Variants in AFAP1L2 observed in about 807,000 individuals in gnomAD.
AFAP1L2 encodes the protein actin filament associated protein 1 like 2.
Under a neutral mutation model 99.3 loss-of-function variants are expected in AFAP1L2, and 46 were observed. The observed-to-expected ratio is 0.46, with a 90% CI of 0.37 to 0.59. AFAP1L2 has a LOEUF of 0.59. Among genes scored for constraint, AFAP1L2 ranks in the 20% least tolerant of loss-of-function variants. The pLI, the probability that AFAP1L2 is intolerant of heterozygous loss-of-function variation, is 0.00. For missense variants in AFAP1L2, 959 were observed against 1,034.9 expected (o/e 0.93, Z 1.01); for synonymous variants, 397 against 419.1 (o/e 0.95, Z 0.64).
At chr10:114,283,583 A>G in the AFAP1L2 span, among the ~76,000 whole-genome samples, 431 of 152,338 alleles carry the variant, frequency 2.8e-3, no homozygotes, top group Non-Finnish European at 2.0e-3. Context: ...TTTCAGTCCC[A>G]GCTTTGCCTC....
At chr10:114,374,453 C>G (rs1288537516) in intron 1 of AFAP1L2, among the ~76,000 whole-genome samples, 1 of 152,170 alleles carries the variant, frequency 6.6e-6, no homozygotes, top group Non-Finnish European at 1.5e-5. Context: ...GCCCTGGAGC[C>G]TCTTCATGGA....
At chr10:114,383,353 T>G in intron 1 of AFAP1L2, among the ~76,000 whole-genome samples, 1 of 148,738 alleles carries the variant, frequency 6.7e-6, no homozygotes, top group Non-Finnish European at 1.5e-5. Flanking sequence ...GAAGGAAAGA[T>G]GGAAGGGAGG....
rs1187002664 is a variant in AFAP1L2 at position 114,296,186 on chromosome 10, G to T, written c.2431-118C>A. 3 of 1,396,668 alleles carry T rather than the reference G, an allele frequency of 2.1e-6. No individual in the cohort carries two copies. In the Admixed American group the frequency reaches 5.2e-5, roughly 24 times the overall value. The allele number at this position is 1,396,668 out of a possible 1,614,324, so 86.5% of individuals were successfully genotyped here. The stretch of plus-strand genomic sequence containing the variant: ...GAGAAAAACTATTTTAGGCACAGAG[G>T]TGATAAATGTTTCAAACCCTGTGTG... On this transcript the variant is annotated intron_variant, in intron 18 of 18. Transcript: ENST00000304129.
At chr10:114,330,877 C>G (rs1249889998) in intron 4 of AFAP1L2, among the ~76,000 whole-genome samples, 1 of 152,122 alleles carries the variant, frequency 6.6e-6, no homozygotes, top group African/African-American at 2.4e-5. Flanking sequence ...GTAGCAGGTG[C>G]CATGGAGTGG....
intron 4 of AFAP1L2, among the ~76,000 whole-genome samples, chr10:114,331,172 A>T (rs2047174527): frequency 6.6e-6 from 1 of 152,164 alleles, no homozygotes; most frequent in Admixed American, 6.5e-5. Flanking sequence ...TCTATGTTTA[A>T]TAAGAACTAC....
At chr10:114,302,138 C>T in intron 12 of AFAP1L2, 2 of 752,106 alleles carry the variant, frequency 2.7e-6, no homozygotes, top group African/African-American at 1.8e-5. Context: ...CGAAGCCTGG[C>T]TCGGCTCCTT....
chr10:114,308,320 TTTA>T, intron 9 of AFAP1L2, 110 bp downstream of exon 9: 1 of 891,868 alleles, frequency 1.1e-6, no homozygotes, highest in Non-Finnish European at 1.8e-6. Flanking sequence ...TTCCGAGTGG[TTTA>T]TTAATAGGGG....
At chr10:114,290,692 G>T (rs1564750365), downstream of AFAP1L2, among the ~76,000 whole-genome samples, 1 of 151,368 alleles carries the variant, frequency 6.6e-6, no homozygotes, top group East Asian at 1.9e-4. Context: ...ACAACTAGGA[G>T]GGAGGCCACA....
intron 1 of AFAP1L2, among the ~76,000 whole-genome samples, chr10:114,356,415 A>G (rs1222556165): frequency 1.3e-5 from 2 of 152,214 alleles, no homozygotes. Flanking sequence ...AAAAGAATGT[A>G]AAATAAACAT....
chr10:114,314,167 C>T, intron 6 of AFAP1L2, 117 bp from the exon 7 acceptor site: 2 of 1,028,410 alleles, frequency 1.9e-6, no homozygotes, highest in South Asian at 3.5e-5. Context: ...CTTAACCCAG[C>T]AAGACTAAGA....
rs552955326 is a variant in AFAP1L2, at chr10:114,352,269, T to C, written c.17-11538A>G. 3.3e-5 allele frequency among the ~76,000 whole-genome samples: 5 copies of C among 152,132 alleles called. No homozygotes were observed. In the East Asian group the frequency reaches 7.8e-4, roughly 24 times the overall value. On this transcript the variant is annotated intron_variant, in intron 1 of 18. Coordinates refer to ENST00000304129, the MANE Select transcript of AFAP1L2 (RefSeq NM_001001936.3). ...GGCAGATCACCTGAGGTCAGGACTTTTGAGACCAGCCTGGCCAATATGGTG... is the reference window on the plus strand; with the variant it reads ...GGCAGATCACCTGAGGTCAGGACTTCTGAGACCAGCCTGGCCAATATGGTG...
intron 1 of AFAP1L2, among the ~76,000 whole-genome samples, chr10:114,361,506 C>T (rs745315590): frequency 6.6e-6 from 1 of 152,084 alleles, no homozygotes; most frequent in Admixed American, 6.6e-5. Context: ...AACGTTAAAC[C>T]GAAAGCCGGG....
rs1056689188 is a variant in AFAP1L2, at chr10:114,331,896, C to T, written c.222G>A (p.Ala74=). ...KQQNAESQGK[A]PEEQGLLPNG... Reference sequence around the variant, plus strand: ...TGGGTAGCAGGCCCTGCTCCTCAGGCGCTGCGGGCAGCAAAAGGAAAAGGC... The same window carrying T: ...TGGGTAGCAGGCCCTGCTCCTCAGGTGCTGCGGGCAGCAAAAGGAAAAGGC... The change falls in exon 4 of 19, where the codon GCG becomes GCA. Residue 74 remains alanine (A), a splice_region_variant and synonymous_variant. Transcript: ENST00000304129. The T allele has an allele frequency of 5.6e-5, 73 of 1,301,526 alleles. No individual in the cohort carries two copies. Among genetic ancestry groups the T allele is most frequent in the Middle Eastern group, 4.8e-4 (2 of 4,204 alleles). 80.6% of individuals were successfully genotyped at this position (1,301,526 alleles called of 1,614,324 possible). A position where few individuals can be genotyped will look rare whatever the true frequency, so the allele number is the denominator to read the frequency against.
chr10:114,353,272 C>T (rs181445225), intron 1 of AFAP1L2, among the ~76,000 whole-genome samples: 1 of 152,338 alleles, frequency 6.6e-6, no homozygotes, highest in Non-Finnish European at 1.5e-5. Flanking sequence ...GAAACGGGGC[C>T]TGGAGATTCC....
the AFAP1L2 span, chr10:114,281,103 G>A: frequency 6.6e-6 from 1 of 152,200 alleles, no homozygotes. Flanking sequence ...TTTTACCCCA[G>A]GGAAGACCCT....
intron 1 of AFAP1L2, among the ~76,000 whole-genome samples, chr10:114,383,409 G>A (rs137932075): frequency 6.6e-5 from 10 of 152,098 alleles, no homozygotes; most frequent in African/African-American, 1.7e-4. Context: ...AAAGAGAGAG[G>A]AAAGGAGCTT....
At chr10:114,378,536 T>G (rs918840829) in intron 1 of AFAP1L2, among the ~76,000 whole-genome samples, 16 of 152,258 alleles carry the variant, frequency 1.1e-4, no homozygotes, top group Admixed American at 2.0e-4. Flanking sequence ...CAGTGGACTA[T>G]AATTTCTGCG....
At chr10:114,353,886 G>A (rs1271347186) in intron 1 of AFAP1L2, among the ~76,000 whole-genome samples, 2 of 152,198 alleles carry the variant, frequency 1.3e-5, no homozygotes, top group Non-Finnish European at 2.9e-5. Context: ...AAAGACCCAG[G>A]AGGCCAAGTA....
intron 1 of AFAP1L2, among the ~76,000 whole-genome samples, chr10:114,360,883 A>G (rs1309088907): frequency 6.6e-6 from 1 of 152,136 alleles, no homozygotes; most frequent in Non-Finnish European, 1.5e-5. Flanking sequence ...TTTCAAGCAA[A>G]ATTCCTGCAT....
Sources: gnomAD v4.1 joint callset for allele counts (sites outside exome capture counted in the v4.1 genomes callset) on GRCh38, gnomAD v4.1.1 for gene constraint, MANE v1.5 for transcripts, NCBI Gene and HGNC (gene_info 2026-07-23, HGNC 2026-07-21) for gene names.